The following DLGAP1 variants were observed in gnomAD, a reference collection of about 807,000 sequenced individuals.
DLGAP1 encodes DLG associated protein 1, also known as disks large-associated protein 1.
Under a neutral mutation model 90.8 loss-of-function variants are expected in DLGAP1, and 11 were observed. The ratio of observed to expected loss-of-function variants is 0.12; its 90% CI spans 0.08 to 0.20. The LOEUF (loss-of-function observed/expected upper bound fraction) is 0.20. DLGAP1 is among the 10% of genes least tolerant of loss of function. The pLI, the probability that DLGAP1 is intolerant of heterozygous loss-of-function variation, is 1.00. For missense variants in DLGAP1, 1,050 were observed against 1,333.8 expected, an observed-to-expected ratio of 0.79 and a Z score of 3.31; for synonymous variants, 558 against 540.7, an observed-to-expected ratio of 1.03 and a Z score of -0.44.
chr18:4,306,809 A>G (rs763206406), intron 1 of DLGAP1, among the ~76,000 whole-genome samples: 14 of 152,102 alleles, frequency 9.2e-5, no homozygotes, highest in Non-Finnish European at 1.9e-4. Context: ...TCCAAAGGCA[A>G]GTTGAGTAAT....
chr18:4,405,612 T>C (rs1211565272), intron 1 of DLGAP1, among the ~76,000 whole-genome samples: 1 of 152,032 alleles, frequency 6.6e-6, no homozygotes, highest in Non-Finnish European at 1.5e-5. Context: ...GGGGACACAA[T>C]ACGTCCCTAT....
intron 1 of DLGAP1, among the ~76,000 whole-genome samples, chr18:4,420,798 G>A (rs142104819): frequency 8.9e-4 from 135 of 152,146 alleles, no homozygotes; most frequent in African/African-American, 2.7e-3. Flanking sequence ...ATTACCTACC[G>A]TGGTGATTCA....
chr18:3,596,403 G>C (rs1420582596), intron 7 of DLGAP1, among the ~76,000 whole-genome samples: 4 of 152,046 alleles, frequency 2.6e-5, no homozygotes, highest in Non-Finnish European at 5.9e-5. Flanking sequence ...TAGATGATCT[G>C]TCTGCCTCGG....
intron 5 of DLGAP1, among the ~76,000 whole-genome samples, chr18:3,753,648 C>A (rs563986926): frequency 1.3e-5 from 2 of 152,302 alleles, no homozygotes; most frequent in Admixed American, 1.3e-4. Context: ...CATCGCTCAC[C>A]TGTGGCTGAC....
chr18:4,372,077 T>C (rs2081928618), intron 1 of DLGAP1, among the ~76,000 whole-genome samples: 1 of 152,252 alleles, frequency 6.6e-6, no homozygotes, highest in Non-Finnish European at 1.5e-5. Flanking sequence ...AAAAGCCATG[T>C]AATTTCAATG....
chr18:4,418,742 T>C (rs911643950), intron 1 of DLGAP1, among the ~76,000 whole-genome samples: 3 of 152,028 alleles, frequency 2.0e-5, no homozygotes, highest in Admixed American at 6.6e-5. Flanking sequence ...CTAACTGACA[T>C]GTAAATAGAA....
In DLGAP1 at chr18:3,875,599, A is replaced by G. The variant is rs74928442; in HGVS notation, c.957+3513T>C. Among the ~76,000 whole-genome samples, 1,478 of 152,330 alleles carry G rather than the reference A, an allele frequency of 9.7e-3. 18 individuals carry two copies. The highest frequency in any genetic ancestry group is 0.041 in the Middle Eastern group (12 of 294). Reference sequence around the variant, plus strand: ...ACATACTAGCTGTGTGTCCTTGGGCAGGTTACTTAACCTAATTTACGAAAT... The same window carrying G: ...ACATACTAGCTGTGTGTCCTTGGGCGGGTTACTTAACCTAATTTACGAAAT... On this transcript the variant is annotated intron_variant, in intron 4 of 12. Coordinates refer to ENST00000315677, the MANE Select transcript of DLGAP1 (RefSeq NM_004746.4).
chr18:3,690,328 C>T (rs1208514305), intron 7 of DLGAP1, among the ~76,000 whole-genome samples: 1 of 152,082 alleles, frequency 6.6e-6, no homozygotes, highest in African/African-American at 2.4e-5. Context: ...CTCAAGCGAT[C>T]TGTCCCCTAC....
At chr18:4,055,081 T>A (rs1366393949) in intron 2 of DLGAP1, among the ~76,000 whole-genome samples, 1 of 152,196 alleles carries the variant, frequency 6.6e-6, no homozygotes, top group East Asian at 1.9e-4. Flanking sequence ...CCGCACATAC[T>A]GTGATAAATA....
intron 2 of DLGAP1, among the ~76,000 whole-genome samples, chr18:4,142,370 T>G (rs2076508823): frequency 6.6e-6 from 1 of 152,146 alleles, no homozygotes. Flanking sequence ...GCCTGGGTAG[T>G]CCAATTAACA....
chr18:3,573,650 T>A (rs928430227), intron 8 of DLGAP1, among the ~76,000 whole-genome samples: 86 of 152,262 alleles, frequency 5.6e-4, no homozygotes, highest in African/African-American at 2.0e-3. Context: ...TTTCTTCACT[T>A]TTTTTGCACT....
rs201591228 is a variant in DLGAP1 at position 3,957,622 on chromosome 18, GA to G, written c.-73+47493del. On this transcript the variant is annotated intron_variant, in intron 3 of 12. Coordinates refer to ENST00000315677, the MANE Select transcript of DLGAP1 (RefSeq NM_004746.4). ...TTTCTATTTACTATAAATTAATCTT[GA>G]AAAAAAATTACATTTTCTGCTTCAA... Among the ~76,000 whole-genome samples the G allele has an allele frequency of 9.5e-3, 1,431 of 151,218 alleles. 25 individuals carry two copies. The highest frequency in any genetic ancestry group is 0.033 in the African/African-American group (1,358 of 41,240).
intron 1 of DLGAP1, among the ~76,000 whole-genome samples, chr18:4,426,942 G>A (rs2083171465): frequency 1.3e-5 from 2 of 152,138 alleles, no homozygotes; most frequent in African/African-American, 4.8e-5. Context: ...TGGTTAAGAA[G>A]ATCAACTATT....
chr18:4,241,121 CA>C (rs1449292841), intron 1 of DLGAP1, among the ~76,000 whole-genome samples: 1 of 152,188 alleles, frequency 6.6e-6, no homozygotes, highest in Non-Finnish European at 1.5e-5. Flanking sequence ...GCTTGAGTCA[CA>C]TCTTTTATCA....
At chr18:4,377,259 G>A (rs764667141) in intron 1 of DLGAP1, among the ~76,000 whole-genome samples, 2 of 152,116 alleles carry the variant, frequency 1.3e-5, no homozygotes, top group Admixed American at 6.6e-5. Context: ...CCTGCCTCTT[G>A]CAAACTGGAG....
At chr18:4,200,976 T>C (rs2077595944) in intron 1 of DLGAP1, among the ~76,000 whole-genome samples, 2 of 152,116 alleles carry the variant, frequency 1.3e-5, no homozygotes, top group Non-Finnish European at 2.9e-5. Context: ...CTTCACAACA[T>C]TGTAATGAGA....
chr18:3,702,520 A>T (rs1015732766), intron 7 of DLGAP1, among the ~76,000 whole-genome samples: 3 of 152,180 alleles, frequency 2.0e-5, no homozygotes, highest in African/African-American at 7.2e-5. Context: ...AGGGTTGTGG[A>T]CTTCCTGCAT....
At chr18:3,515,827 C>T (rs1455600736) in intron 10 of DLGAP1, among the ~76,000 whole-genome samples, 1 of 151,216 alleles carries the variant, frequency 6.6e-6, no homozygotes. Context: ...CGAAGCTTAC[C>T]ACTATATTAT....
intron 1 of DLGAP1, among the ~76,000 whole-genome samples, chr18:4,392,212 A>G (rs1430528126): frequency 6.6e-6 from 1 of 152,182 alleles, no homozygotes; most frequent in Non-Finnish European, 1.5e-5. Context: ...GTTGGTAGGC[A>G]GCACAGCCTG....
Sources: allele counts gnomAD v4.1 joint callset (sites outside exome capture counted in the v4.1 genomes callset), GRCh38; gene constraint gnomAD v4.1.1; transcripts MANE v1.5; gene names NCBI Gene and HGNC (gene_info 2026-07-23, HGNC 2026-07-21).